PTPN3: variants seen among roughly 807,000 people sequenced by gnomAD.
The protein encoded by PTPN3 is tyrosine-protein phosphatase non-receptor type 3.
PTPN3 carries 96 observed loss-of-function variants against 132.7 expected under a neutral mutation model. That is an observed-to-expected ratio of 0.72 (90% CI 0.61 to 0.86). PTPN3 has a LOEUF of 0.86. Ranked by LOEUF, PTPN3 falls within the 40% of genes least tolerant of loss-of-function variation. The probability of loss-of-function intolerance (pLI) is 0.00; values close to 1 mark genes in which losing one functional copy is unlikely to be tolerated. For missense variants in PTPN3, 1,125 were observed against 1,159.6 expected, an observed-to-expected ratio of 0.97 and a Z score of 0.43; for synonymous variants, 398 against 429.0, an observed-to-expected ratio of 0.93 and a Z score of 0.89.
intron 12 of PTPN3, 42 bp downstream of exon 12, chr9:109,426,907 AC>A (rs772625528): frequency 1.9e-6 from 3 of 1,545,258 alleles, no homozygotes. Flanking sequence ...GGATGCATTT[AC>A]ATCTCAGCCT....
chr9:109,406,341 A>G, intron 18 of PTPN3, 121 bp downstream of exon 18: 1 of 1,296,912 alleles, frequency 7.7e-7, no homozygotes, highest in Non-Finnish European at 1.1e-6. Context: ...TTACCTGAAG[A>G]TTCTTGATTT....
At chr9:109,450,286 T>A (rs1052821101) in intron 5 of PTPN3, 1 of 985,424 alleles carries the variant, frequency 1.0e-6, no homozygotes, top group Admixed American at 6.1e-5. Flanking sequence ...TAGGAGAACA[T>A]CATCAGTTCT....
In PTPN3 at chr9:109,391,377, T is replaced by C. The variant is rs991994835; in HGVS notation, c.2044+94A>G. 152 of 1,399,772 alleles carry C rather than the reference T, an allele frequency of 1.1e-4. 2 individuals are homozygous for C. In the East Asian group the frequency reaches 3.6e-3, roughly 33 times the overall value. 86.7% of individuals were successfully genotyped at this position (1,399,772 alleles called of 1,614,324 possible). On this transcript the variant is annotated intron_variant, in intron 20 of 25. Transcript: ENST00000374541. ...AAGACGGTGGTGTTTACAGACACACTGAAAATCGTTCCAGAATACCAGACA... is the reference window on the plus strand; with the variant it reads ...AAGACGGTGGTGTTTACAGACACACCGAAAATCGTTCCAGAATACCAGACA...
At chr9:109,431,593 T>C (rs556928254) in intron 10 of PTPN3, among the ~76,000 whole-genome samples, 1 of 152,364 alleles carries the variant, frequency 6.6e-6, no homozygotes, top group East Asian at 1.9e-4. Flanking sequence ...GGAGAGAAGA[T>C]CCTGCTATCT....
intron 19 of PTPN3, 57 bp from the exon 20 acceptor site, chr9:109,391,618 GAAAA>G: frequency 7.1e-7 from 1 of 1,407,222 alleles, no homozygotes; most frequent in Non-Finnish European, 9.9e-7. Context: ...AAGAAAGTGT[GAAAA>G]CATACTTTAT....
intron 21 of PTPN3, 130 bp from the exon 22 acceptor site, chr9:109,389,509 A>T: frequency 1.1e-6 from 1 of 930,010 alleles, no homozygotes; most frequent in African/African-American, 1.7e-5. Flanking sequence ...ATTCACAGCC[A>T]ATAAGGAAAA....
chr9:109,468,675 G>A (rs1846224564), intron 1 of PTPN3, among the ~76,000 whole-genome samples: 1 of 152,186 alleles, frequency 6.6e-6, no homozygotes, highest in African/African-American at 2.4e-5. Flanking sequence ...TGTGAATACA[G>A]TTTTTAATCA....
At chr9:109,417,643 C>T in intron 14 of PTPN3, 1 of 985,104 alleles carries the variant, frequency 1.0e-6, no homozygotes, top group Non-Finnish European at 1.2e-6. Context: ...TCTGAAGACC[C>T]AGCACAAAGT....
the PTPN3 span, among the ~76,000 whole-genome samples, chr9:109,538,155 C>G: frequency 6.6e-6 from 1 of 152,186 alleles, no homozygotes; most frequent in Non-Finnish European, 1.5e-5. Flanking sequence ...TTGGCTTTCA[C>G]TTCAAAATGG....
intron 1 of PTPN3, among the ~76,000 whole-genome samples, chr9:109,479,574 A>G (rs116400601): frequency 0.012 from 1,860 of 152,276 alleles, 37 homozygotes; most frequent in African/African-American, 0.043. Context: ...AGTTCTATCT[A>G]TAGCTTTTTA....
intron 19 of PTPN3, among the ~76,000 whole-genome samples, chr9:109,395,348 G>C (rs1840487284): frequency 6.6e-6 from 1 of 152,152 alleles, no homozygotes; most frequent in East Asian, 1.9e-4. Context: ...CAAAAAGCTA[G>C]GTGGACAAAT....
intron 1 of PTPN3, among the ~76,000 whole-genome samples, chr9:109,471,814 C>T (rs1846397845): frequency 6.6e-6 from 1 of 152,116 alleles, no homozygotes; most frequent in Non-Finnish European, 1.5e-5. Flanking sequence ...CTTGAAGTTG[C>T]ATTTTAAATA....
Position 109,408,390 on chromosome 9 carries a change from T to C in PTPN3, c.1579-13A>G. 1 of 1,570,966 alleles carries C rather than the reference T, an allele frequency of 6.4e-7. No homozygotes were observed. The highest frequency in any genetic ancestry group is 8.6e-7 in the Non-Finnish European group (1 of 1,157,138). ...GATCCACTCCTCCCTGTAAACATTT[T>C]AAAATAAAAACAAAACAAAGTTTTT... is the stretch of plus-strand genomic sequence containing the variant. On this transcript the variant is annotated splice_polypyrimidine_tract_variant and intron_variant, in intron 16 of 25. Transcript: ENST00000374541.
Position 109,457,310 on chromosome 9 carries a change from G to A in PTPN3, c.228C>T (p.Asp76=), listed in dbSNP as rs376106536. ...EKEYFGLQHD[D]DSVDSPRWLE... ...CACTTACAGGAGAGTCCACGGAGTC[G>A]TCATCATGCTGTAAACCAAAATATT... is the stretch of plus-strand genomic sequence containing the variant. The change falls in exon 3 of 26, where the codon GAC becomes GAT. Residue 76 remains aspartate, a synonymous_variant. Transcript: ENST00000374541. 1.5e-5 allele frequency: 25 copies of A among 1,613,866 alleles called. No homozygotes were observed. The highest frequency in any genetic ancestry group is 1.2e-4 in the African/African-American group (9 of 74,904).
intron 1 of PTPN3, among the ~76,000 whole-genome samples, chr9:109,497,440 T>C (rs1281421409): frequency 6.6e-6 from 1 of 152,176 alleles, no homozygotes; most frequent in East Asian, 1.9e-4. Context: ...GGTCACCAGC[T>C]GGCCAAGGGG....
At chr9:109,384,159 T>A (rs1588287293) in intron 22 of PTPN3, among the ~76,000 whole-genome samples, 1 of 151,762 alleles carries the variant, frequency 6.6e-6, no homozygotes, top group Admixed American at 6.6e-5. Context: ...CCGGCGTGGG[T>A]GTGCAGTACT....
chr9:109,406,452 T>G lies in PTPN3; in HGVS notation c.1792+10A>C, dbSNP rs541009790. On this transcript the variant is annotated intron_variant, in intron 18 of 25. Coordinates refer to ENST00000374541, the MANE Select transcript of PTPN3 (RefSeq NM_002829.4). ...CTTCCCTATGGCTCCTCCCCCCAGG[T>G]GGCCATTACCTCTCCTCCTGATCAC... 1.7e-4 allele frequency: 269 copies of G among 1,611,150 alleles called. No homozygotes were observed. In the African/African-American group the frequency reaches 3.1e-3, roughly 19 times the overall value.
intron 6 of PTPN3, among the ~76,000 whole-genome samples, chr9:109,445,982 G>A (rs1336542129): frequency 6.6e-6 from 1 of 152,138 alleles, no homozygotes; most frequent in Non-Finnish European, 1.5e-5. Context: ...TTTCCCAGGT[G>A]CCCTGTTTCT....
chr9:109,431,012 C>T (rs1035403767), intron 10 of PTPN3, among the ~76,000 whole-genome samples: 1 of 152,256 alleles, frequency 6.6e-6, no homozygotes, highest in African/African-American at 2.4e-5. Flanking sequence ...TCCTGCCCCT[C>T]CTGGGCACTT....
Sources: allele counts gnomAD v4.1 joint callset (sites outside exome capture counted in the v4.1 genomes callset), GRCh38; gene constraint gnomAD v4.1.1; transcripts MANE v1.5; gene names NCBI Gene and HGNC (gene_info 2026-07-23, HGNC 2026-07-21).